Variants in DDX6 observed in about 807,000 individuals in gnomAD.
DDX6 encodes probable ATP-dependent RNA helicase DDX6.
Under a neutral mutation model 60.6 loss-of-function variants are expected in DDX6, and 7 were observed. The observed-to-expected ratio is 0.12, with a 90% confidence interval of 0.07 to 0.22. The LOEUF is 0.22. Ranked by LOEUF, DDX6 falls within the 10% of genes least tolerant of loss-of-function variation. The pLI, the probability that DDX6 is intolerant of heterozygous loss-of-function variation, is 1.00. For missense variants in DDX6, 270 were observed against 589.9 expected, an observed-to-expected ratio of 0.46 and a Z score of 5.62; for synonymous variants, 207 against 201.0, an observed-to-expected ratio of 1.03 and a Z score of -0.25.
chr11:118,760,132 C>A, intron 7 of DDX6, 88 bp from the exon 8 acceptor site: 1 of 1,179,956 alleles, frequency 8.5e-7, no homozygotes, highest in Non-Finnish European at 1.2e-6. Flanking sequence ...AAGGCATCAT[C>A]CAACAAAAGC....
chr11:118,775,308 C>T (rs1861662518), intron 4 of DDX6, among the ~76,000 whole-genome samples: 1 of 152,100 alleles, frequency 6.6e-6, no homozygotes. Flanking sequence ...AGAGCAAAAC[C>T]CTGTCTCAAA....
chr11:118,779,813 G>A (rs1861827757), intron 3 of DDX6, 77 bp from the exon 4 acceptor site: 23 of 1,140,760 alleles, frequency 2.0e-5, no homozygotes, highest in African/African-American at 1.1e-4. Context: ...AAATTTATCT[G>A]TGTTTAAGAA....
chr11:118,790,552 G>A (rs1238960637), intron 1 of DDX6, among the ~76,000 whole-genome samples: 1 of 151,858 alleles, frequency 6.6e-6, no homozygotes, highest in Admixed American at 6.6e-5. Context: ...CTATAGGGCC[G>A]CCTCGTACCC....
chr11:118,757,988 A>C (rs1156595971), intron 9 of DDX6, among the ~76,000 whole-genome samples: 1 of 152,162 alleles, frequency 6.6e-6, no homozygotes, highest in Non-Finnish European at 1.5e-5. Flanking sequence ...TGAAATCAGC[A>C]ACAAAAACTT....
In DDX6 at chr11:118,751,153, G is replaced by C. The variant is rs1171510502; in HGVS notation, c.*952C>G. On this transcript the variant is annotated 3_prime_UTR_variant, in exon 14 of 14. Coordinates refer to ENST00000534980, the MANE Select transcript of DDX6 (RefSeq NM_004397.6). Reference sequence around the variant, plus strand: ...ACACACCCAATTTTCTATGGGACACGCTTTGCCACAGAGGAAAGAGGGCCA... The same window carrying C: ...ACACACCCAATTTTCTATGGGACACCCTTTGCCACAGAGGAAAGAGGGCCA... The C allele has an allele frequency of 1.3e-5, 2 of 151,288 alleles. No individual in the cohort carries two copies. Among genetic ancestry groups the C allele is most frequent in the African/African-American group, 2.4e-5 (1 of 40,992 alleles). The allele number at this position is 151,288 out of a possible 1,614,324, so 9.4% of individuals were successfully genotyped here.
At position 118,766,438 on chromosome 11, in the gene DDX6, G is replaced by T. The variant is rs138988612; in HGVS notation, c.500-1083C>A. On this transcript the variant is annotated intron_variant, in intron 5 of 13. Transcript: ENST00000534980. Reference sequence around the variant, plus strand: ...GACACAGCAAGACTCTGTCTCCCCCGCCAAAAAAATTAAGAAATAAAAATA... The same window carrying T: ...GACACAGCAAGACTCTGTCTCCCCCTCCAAAAAAATTAAGAAATAAAAATA... 5.9e-3 allele frequency among the ~76,000 whole-genome samples: 894 copies of T among 151,866 alleles called. 7 individuals are homozygous for T. Among genetic ancestry groups the T allele is most frequent in the African/African-American group, 0.021 (865 of 41,390 alleles).
chr11:118,768,987 CAAAA>C (rs782136763), intron 4 of DDX6, among the ~76,000 whole-genome samples: 12 of 39,978 alleles, frequency 3.0e-4, no homozygotes, highest in Admixed American at 9.7e-4. Flanking sequence ...CGTCTCATCT[CAAAA>C]AAAAAAAAAA....
intron 3 of DDX6, among the ~76,000 whole-genome samples, chr11:118,780,288 A>G (rs1315787350): frequency 6.6e-6 from 1 of 151,992 alleles, no homozygotes; most frequent in African/African-American, 2.4e-5. Flanking sequence ...TTAAAAAACT[A>G]TGTTTTGGGG....
Position 118,766,231 on chromosome 11 carries a change from A to G in DDX6, c.500-876T>C, listed in dbSNP as rs962762338. Among the ~76,000 whole-genome samples, 13 of 151,650 alleles carry G rather than the reference A, an allele frequency of 8.6e-5. 1 individual carries two copies. The South Asian group carries it at 2.7e-3, about 32-fold the overall frequency. ...CGTTTGAGCTCAGGAGTTTAAGACC[A>G]GCCTGGGCAACATAGCAAGACCCCA... On this transcript the variant is annotated intron_variant, in intron 5 of 13. Transcript: ENST00000534980.
At chr11:118,756,114 G>T (rs1860968165) in intron 11 of DDX6, 146 bp downstream of exon 11, 1 of 576,322 alleles carries the variant, frequency 1.7e-6, no homozygotes, top group Non-Finnish European at 3.0e-6. Flanking sequence ...GAGCTGACAA[G>T]AGTTCATTTT....
intron 10 of DDX6, among the ~76,000 whole-genome samples, chr11:118,756,866 CAG>C (rs6144530): frequency 0.054 from 8,180 of 152,168 alleles, 693 homozygotes; most frequent in African/African-American, 0.19. Context: ...CTGTATTAAA[CAG>C]AGAATTAAAC....
chr11:118,785,934 G>T, intron 2 of DDX6, 118 bp downstream of exon 2: 2 of 904,838 alleles, frequency 2.2e-6, no homozygotes, highest in African/African-American at 1.7e-5. Flanking sequence ...AAAGTCATCT[G>T]TCCTCTATTT....
Position 118,765,457 on chromosome 11 carries a change from G to A in DDX6, c.500-102C>T, listed in dbSNP as rs150147413. The A allele has an allele frequency of 5.3e-3, 6,387 of 1,200,760 alleles. 57 individuals carry two copies. Among genetic ancestry groups the A allele is most frequent in the Middle Eastern group, 0.015 (63 of 4,110 alleles). 74.4% of individuals were successfully genotyped at this position (1,200,760 alleles called of 1,614,324 possible). ...ATTTAAGAAGCTATAGAAATACTGC[G>A]CCTTATGATGCAGTGGCTCACACCT... On this transcript the variant is annotated intron_variant, in intron 5 of 13. Coordinates refer to ENST00000534980, the MANE Select transcript of DDX6 (RefSeq NM_004397.6).
chr11:118,755,969 G>T (rs1860953967), intron 11 of DDX6, among the ~76,000 whole-genome samples: 1 of 146,144 alleles, frequency 6.8e-6, no homozygotes, highest in Non-Finnish European at 1.5e-5. Flanking sequence ...AGAGAGCCAA[G>T]ATCGCACCAC....
chr11:118,754,637 C>T, intron 13 of DDX6, 68 bp downstream of exon 13: 2 of 1,423,394 alleles, frequency 1.4e-6, no homozygotes, highest in East Asian at 2.4e-5. Context: ...ATCAAATTTC[C>T]CCCAGGAAAG....
chr11:118,768,920 G>C (rs560188621), intron 4 of DDX6, among the ~76,000 whole-genome samples: 1 of 145,612 alleles, frequency 6.9e-6, no homozygotes, highest in African/African-American at 2.5e-5. Context: ...TGAGCCAGGA[G>C]GTCAAGGGTG....
intron 4 of DDX6, among the ~76,000 whole-genome samples, chr11:118,773,527 G>C (rs1555162995): frequency 1.3e-5 from 2 of 152,072 alleles, no homozygotes; most frequent in Non-Finnish European, 2.9e-5. Context: ...AGCCAAGATT[G>C]CACCACTGCA....
At chr11:118,755,671 T>C (rs1185736363) in intron 11 of DDX6, among the ~76,000 whole-genome samples, 168 bp from the exon 12 acceptor site, 1 of 152,166 alleles carries the variant, frequency 6.6e-6, no homozygotes, top group Non-Finnish European at 1.5e-5. Flanking sequence ...CATAAATAAC[T>C]TTCTGCTCCC....
At position 118,779,728 on chromosome 11, in the gene DDX6, G is replaced by C; in HGVS notation, c.273C>G (p.Thr91=). The C allele has an allele frequency of 6.2e-7, 1 of 1,604,370 alleles. No homozygotes were observed. The highest frequency in any genetic ancestry group is 8.5e-7 in the Non-Finnish European group (1 of 1,174,346). The change falls in exon 4 of 14, where the codon ACC becomes ACG. Residue 91 remains threonine, a synonymous_variant. Transcript: ENST00000534980. ...CTTCAAACTCATTTCCTTTTGTGGAGGTCACATCCTAGTCAAACAAAAAGG... is the reference window on the plus strand; with the variant it reads ...CTTCAAACTCATTTCCTTTTGTGGACGTCACATCCTAGTCAAACAAAAAGG... ...KDLRIKTSDV[T]STKGNEFEDY...
Sources: gnomAD v4.1 joint callset for allele counts (sites outside exome capture counted in the v4.1 genomes callset) on GRCh38, gnomAD v4.1.1 for gene constraint, MANE v1.5 for transcripts, NCBI Gene and HGNC (gene_info 2026-07-23, HGNC 2026-07-21) for gene names.